The following CCDC3 variants were observed in gnomAD, a reference collection of about 807,000 sequenced individuals.
CCDC3 encodes coiled-coil domain-containing protein 3.
A neutral mutation model predicts 21.4 loss-of-function variants in CCDC3; 24 were observed. The ratio of observed to expected loss-of-function variants is 1.12; its 90% confidence interval spans 0.81 to 1.58. CCDC3 has a LOEUF of 1.58. Ranked by LOEUF, CCDC3 falls within the 40% of genes most tolerant of loss-of-function variation. The pLI is 0.00. For synonymous variants in CCDC3, 186 were observed against 166.0 expected (o/e 1.12, Z -0.93); for missense variants, 425 against 360.9 (o/e 1.18, Z -1.44).
At chr10:13,021,826 C>T (rs547738637) in intron 5 of CCDC3, among the ~76,000 whole-genome samples, 9 of 152,164 alleles carry the variant, frequency 5.9e-5, no homozygotes, top group South Asian at 2.1e-4. Context: ...TGCAGTGGCA[C>T]GGTCTCAGTT....
chr10:13,040,141 T>C (rs767596674), intron 5 of CCDC3, among the ~76,000 whole-genome samples: 1 of 152,092 alleles, frequency 6.6e-6, no homozygotes, highest in Non-Finnish European at 1.5e-5. Context: ...AAGATGGGCA[T>C]GAGAGGGACG....
chr10:13,024,383 C>T (rs1052851566), intron 5 of CCDC3, among the ~76,000 whole-genome samples: 1 of 152,286 alleles, frequency 6.6e-6, no homozygotes, highest in Admixed American at 6.5e-5. Flanking sequence ...TCTCTGGCTG[C>T]ATGTCAGGAT....
intron 2 of CCDC3, among the ~76,000 whole-genome samples, chr10:12,903,465 T>C (rs962174672): frequency 1.3e-5 from 2 of 152,220 alleles, no homozygotes; most frequent in Admixed American, 6.5e-5. Context: ...ATTTGCTTTG[T>C]GGTATTTTTT....
At chr10:13,051,065 A>G (rs1033761371) in intron 4 of CCDC3, among the ~76,000 whole-genome samples, 6 of 152,210 alleles carry the variant, frequency 3.9e-5, no homozygotes, top group African/African-American at 1.4e-4. Context: ...TGTTGGGATC[A>G]TAGGTGTGAG....
intron 2 of CCDC3, among the ~76,000 whole-genome samples, chr10:12,969,766 A>C (rs1321751254): frequency 6.7e-6 from 1 of 150,372 alleles, no homozygotes; most frequent in Non-Finnish European, 1.5e-5. Context: ...TAAGATATTC[A>C]TTCTTAAAAA....
intron 1 of CCDC3, 62 bp from the exon 2 acceptor site, chr10:12,998,574 C>T (rs1835799241): frequency 1.3e-6 from 2 of 1,515,790 alleles, no homozygotes; most frequent in Non-Finnish European, 1.8e-6. Flanking sequence ...CAGCTCCAAT[C>T]CAGAGTCACA....
At chr10:12,984,310 G>A (rs12263291) in intron 2 of CCDC3, among the ~76,000 whole-genome samples, 2,404 of 152,236 alleles carry the variant, frequency 0.016, 63 homozygotes, top group African/African-American at 0.054. Context: ...AAAGATGCTC[G>A]ACATCATGAG....
intron 2 of CCDC3, among the ~76,000 whole-genome samples, chr10:12,922,244 G>T (rs1428162958): frequency 6.6e-6 from 1 of 152,202 alleles, no homozygotes; most frequent in African/African-American, 2.4e-5. Flanking sequence ...TCTACAGCGT[G>T]AGCTGCCCAC....
At chr10:13,015,123 T>C (rs1324792405) in intron 5 of CCDC3, among the ~76,000 whole-genome samples, 1 of 152,076 alleles carries the variant, frequency 6.6e-6, no homozygotes, top group Non-Finnish European at 1.5e-5. Flanking sequence ...AGGCCCATGA[T>C]GGGTTCTTGG....
intron 2 of CCDC3, among the ~76,000 whole-genome samples, chr10:12,932,662 G>C (rs1261652271): frequency 1.3e-5 from 2 of 150,980 alleles, no homozygotes; most frequent in Non-Finnish European, 3.0e-5. Context: ...TTTTTTTCTT[G>C]TCTTGTATTA....
In CCDC3 at chr10:13,065,096, T is replaced by C. The variant is rs534424479; in HGVS notation, c.-270+8772A>G. Among the ~76,000 whole-genome samples, 14 of 152,288 alleles carry C rather than the reference T, an allele frequency of 9.2e-5. No individual in the cohort carries two copies. In the South Asian group the frequency reaches 2.5e-3, roughly 27 times the overall value. ...TTTATTTTTCACACATGTAATAGGATTGGCAAAATATAGCTAAAAATAGTA... is the reference window on the plus strand; with the variant it reads ...TTTATTTTTCACACATGTAATAGGACTGGCAAAATATAGCTAAAAATAGTA... On this transcript the variant is annotated intron_variant, in intron 4 of 6. Coordinates refer to the CCDC3 transcript ENST00000378839.
At chr10:13,048,374 A>G (rs936128148) in intron 5 of CCDC3, among the ~76,000 whole-genome samples, 2 of 151,740 alleles carry the variant, frequency 1.3e-5, no homozygotes, top group African/African-American at 4.8e-5. Flanking sequence ...TTGTATTTTT[A>G]CTAGAGACGG....
intron 4 of CCDC3, among the ~76,000 whole-genome samples, chr10:13,060,837 G>T (rs1373029597): frequency 2.6e-5 from 4 of 152,118 alleles, no homozygotes; most frequent in Non-Finnish European, 5.9e-5. Context: ...CTGAAAAAAA[G>T]GGGTTACTGG....
intron 5 of CCDC3, among the ~76,000 whole-genome samples, chr10:13,016,257 C>T (rs949276120): frequency 6.6e-6 from 1 of 151,150 alleles, no homozygotes; most frequent in African/African-American, 2.4e-5. Flanking sequence ...AAAACCCCAG[C>T]ACCCATGATG....
intron 2 of CCDC3, among the ~76,000 whole-genome samples, chr10:12,983,620 T>A: frequency 1.4e-5 from 2 of 141,442 alleles, no homozygotes; most frequent in Non-Finnish European, 1.5e-5. Context: ...ACTTTCAACA[T>A]ACTACAAAGG....
chr10:13,001,616 G>A lies in CCDC3; in HGVS notation c.-46C>T, dbSNP rs1041368444. On this transcript the variant is annotated 5_prime_UTR_variant, in exon 1 of 3. Transcript: ENST00000378825. ...ACGGGGCGGCGGCGGGGAGCCCGGG[G>A]AGCCCGCCGGCCCGGGAAGGGCAGC... 7 of 1,095,428 alleles carry A rather than the reference G, an allele frequency of 6.4e-6. 1 individual carries two copies. In the African/African-American group the frequency reaches 1.2e-4, roughly 18 times the overall value. 67.9% of individuals were successfully genotyped at this position (1,095,428 alleles called of 1,614,324 possible).
At position 13,011,603 on chromosome 10, in the gene CCDC3, C is replaced by T. The variant is rs576943101; in HGVS notation, c.-1-13091G>A. ...AGAAAGAATCAATATCATTAAAATG[C>T]CTATATAAAATGCTATAATGCCCAA... On this transcript the variant is annotated intron_variant, in intron 5 of 6. Coordinates refer to the CCDC3 transcript ENST00000378839. Among the ~76,000 whole-genome samples, 203 of 152,054 alleles carry T rather than the reference C, an allele frequency of 1.3e-3. 1 individual carries two copies. Among genetic ancestry groups the T allele is most frequent in the African/African-American group, 4.7e-3 (196 of 41,504 alleles).
intron 2 of CCDC3, among the ~76,000 whole-genome samples, chr10:12,997,457 C>T (rs1835779799): frequency 1.3e-5 from 2 of 152,162 alleles, no homozygotes; most frequent in Non-Finnish European, 2.9e-5. Context: ...CAAAATGTTC[C>T]TCCAACTCTG....
intron 3 of CCDC3, among the ~76,000 whole-genome samples, chr10:13,085,914 C>T (rs1044953183): frequency 3.3e-5 from 5 of 150,882 alleles, no homozygotes; most frequent in African/African-American, 1.2e-4. Context: ...TTGCAGTGAG[C>T]CAAAATTGTG....
Sources: gnomAD v4.1 joint callset for allele counts (sites outside exome capture counted in the v4.1 genomes callset) on GRCh38, gnomAD v4.1.1 for gene constraint, MANE v1.5 for transcripts, NCBI Gene and HGNC (gene_info 2026-07-23, HGNC 2026-07-21) for gene names.